The following SORBS2 variants were observed in gnomAD, a reference collection of about 807,000 sequenced individuals.
SORBS2 encodes sorbin and SH3 domain-containing protein 2.
A neutral mutation model predicts 97.7 loss-of-function variants in SORBS2; 46 were observed. The ratio of observed to expected loss-of-function variants is 0.47; its 90% confidence interval spans 0.37 to 0.60. The LOEUF (loss-of-function observed/expected upper bound fraction) is 0.60, where lower values mean the gene tolerates loss of function less well. Ranked by LOEUF, SORBS2 falls within the 20% of genes least tolerant of loss-of-function variation. The pLI is 0.00. For synonymous variants in SORBS2, 476 were observed against 473.4 expected, an observed-to-expected ratio of 1.01 and a Z score of -0.07; for missense variants, 1,316 against 1,282.3, an observed-to-expected ratio of 1.03 and a Z score of -0.40.
At position 185,907,351 on chromosome 4, in the gene SORBS2, G is replaced by T. The variant is rs1302220658; in HGVS notation, c.-338+48845C>A. The stretch of plus-strand genomic sequence containing the variant: ...TGTTAGCTTTTATAGTAAGAAACTC[G>T]TTTAGAGCACTTTAATGTAAAATTC... On this transcript the variant is annotated intron_variant, in intron 1 of 20. Transcript: ENST00000284776. Among the ~76,000 whole-genome samples, 3 of 152,102 alleles carry T rather than the reference G, an allele frequency of 2.0e-5. No individual in the cohort carries two copies. The East Asian group carries it at 5.8e-4, about 29-fold the overall frequency.
At chr4:185,829,961 G>C (rs1196680219) in intron 1 of SORBS2, among the ~76,000 whole-genome samples, 1 of 152,092 alleles carries the variant, frequency 6.6e-6, no homozygotes, top group Admixed American at 6.5e-5. Flanking sequence ...AAGAGTATGG[G>C]AAGGATACCT....
intron 1 of SORBS2, among the ~76,000 whole-genome samples, chr4:185,930,528 G>C (rs1196096566): frequency 6.6e-6 from 1 of 152,130 alleles, no homozygotes; most frequent in Non-Finnish European, 1.5e-5. Flanking sequence ...TCGATCTCCT[G>C]ACCTCGTGAT....
chr4:185,593,893 C>T, exon 13 of SORBS2: 2 of 1,601,958 alleles, frequency 1.2e-6, no homozygotes, highest in Non-Finnish European at 1.7e-6. Flanking sequence ...TACGGTTCCC[C>T]CCCACCTTGA....
At chr4:185,939,571 C>A (rs925366189) in intron 1 of SORBS2, among the ~76,000 whole-genome samples, 3 of 152,026 alleles carry the variant, frequency 2.0e-5, no homozygotes, top group Non-Finnish European at 4.4e-5. Flanking sequence ...AGTGCGATGG[C>A]GCGACCTCGG....
chr4:185,614,159 G>GTTTTT (rs34929054), intron 11 of SORBS2, among the ~76,000 whole-genome samples: 60 of 91,600 alleles, frequency 6.6e-4, no homozygotes, highest in Middle Eastern at 0.015. Context: ...GTTTTTTTGT[G>GTTTTT]TTTTTTTTTT....
At chr4:185,715,132 T>C (rs2098455549) in intron 2 of SORBS2, among the ~76,000 whole-genome samples, 1 of 152,234 alleles carries the variant, frequency 6.6e-6, no homozygotes, top group Non-Finnish European at 1.5e-5. Flanking sequence ...TACTTAATCA[T>C]TAGCTTTATT....
intron 2 of SORBS2, among the ~76,000 whole-genome samples, chr4:185,727,180 T>G (rs2098559267): frequency 6.6e-6 from 1 of 152,218 alleles, no homozygotes; most frequent in African/African-American, 2.4e-5. Flanking sequence ...GTCATTCACT[T>G]CAACCTACAT....
intron 6 of SORBS2, 152 bp downstream of exon 18, chr4:185,626,680 G>C: frequency 1.3e-6 from 1 of 746,570 alleles, no homozygotes; most frequent in Non-Finnish European, 2.2e-6. Flanking sequence ...CAGTCTGGGT[G>C]GGAAGAAGGC....
chr4:185,636,870 A>G (rs1216258760), intron 4 of SORBS2, among the ~76,000 whole-genome samples: 1 of 151,976 alleles, frequency 6.6e-6, no homozygotes, highest in African/African-American at 2.4e-5. Flanking sequence ...AATGGTCTCA[A>G]TCTGTTGATT....
intron 1 of SORBS2, among the ~76,000 whole-genome samples, chr4:185,789,129 T>C (rs2099069351): frequency 6.6e-6 from 1 of 152,188 alleles, no homozygotes; most frequent in Non-Finnish European, 1.5e-5. Flanking sequence ...CAGGTCATCT[T>C]TGTTTGGGAT....
intron 1 of SORBS2, among the ~76,000 whole-genome samples, chr4:185,912,045 G>A (rs1206014922): frequency 6.6e-6 from 1 of 152,132 alleles, no homozygotes; most frequent in Non-Finnish European, 1.5e-5. Flanking sequence ...GACTTTGTAG[G>A]AGAAAAACAT....
intron 1 of SORBS2, among the ~76,000 whole-genome samples, chr4:185,869,573 T>C (rs1453805090): frequency 6.6e-6 from 1 of 152,246 alleles, no homozygotes. Flanking sequence ...ATAAGGCAGA[T>C]GCGAACATTT....
In SORBS2 at chr4:185,619,976, C is replaced by T. The variant is rs1201185463; in HGVS notation, c.2304+87G>A. 22 of 826,176 alleles carry T rather than the reference C, an allele frequency of 2.7e-5. 1 individual carries two copies. The highest frequency in any genetic ancestry group is 2.0e-4 in the East Asian group (8 of 40,986). 51.2% of individuals were successfully genotyped at this position (826,176 alleles called of 1,614,324 possible). A position where few individuals can be genotyped will look rare whatever the true frequency, so the allele number is the denominator to read the frequency against. ...TATTTTCACATTTCCTGTCCGAGTT[C>T]GTTACTGGTTTGGGATAATTTTTGG... On this transcript the variant is annotated intron_variant, in intron 8 of 14. Transcript: ENST00000418609.
chr4:185,824,890 TC>T (rs146153896), intron 1 of SORBS2, among the ~76,000 whole-genome samples: 3,595 of 152,280 alleles, frequency 0.024, 55 homozygotes, highest in Middle Eastern at 0.048. Flanking sequence ...CCAAAGTGCA[TC>T]CTGGCCCCAC....
chr4:185,645,125 A>G (rs1294622125), intron 4 of SORBS2, among the ~76,000 whole-genome samples: 3 of 152,232 alleles, frequency 2.0e-5, no homozygotes, highest in East Asian at 3.9e-4. Flanking sequence ...TCTAAAACCA[A>G]TCCTGTTTCC....
chr4:185,754,768 T>C (rs1424547880), intron 2 of SORBS2, among the ~76,000 whole-genome samples: 3 of 152,160 alleles, frequency 2.0e-5, no homozygotes, highest in Non-Finnish European at 4.4e-5. Context: ...CACCATACCA[T>C]GGGGTCTCAC....
chr4:185,951,156 C>G (rs778482049), intron 1 of SORBS2, among the ~76,000 whole-genome samples: 3 of 152,176 alleles, frequency 2.0e-5, no homozygotes, highest in African/African-American at 7.2e-5. Flanking sequence ...TAGAATCACA[C>G]GGTCCCAGCT....
intron 1 of SORBS2, among the ~76,000 whole-genome samples, chr4:185,798,867 C>T (rs1223246911): frequency 6.6e-6 from 1 of 152,136 alleles, no homozygotes; most frequent in Non-Finnish European, 1.5e-5. Flanking sequence ...CAAAGCAAAA[C>T]AGGTCTTCTC....
chr4:185,899,683 G>T (rs1020102700), intron 1 of SORBS2, among the ~76,000 whole-genome samples: 6 of 152,128 alleles, frequency 3.9e-5, no homozygotes, highest in Non-Finnish European at 8.8e-5. Context: ...TCCAGAGTTG[G>T]AAAAATAAAG....
Sources: allele counts gnomAD v4.1 joint callset (sites outside exome capture counted in the v4.1 genomes callset), GRCh38; gene constraint gnomAD v4.1.1; transcripts MANE v1.5; gene names NCBI Gene and HGNC (gene_info 2026-07-23, HGNC 2026-07-21).